The following DPYD variants were observed in gnomAD, a reference collection of about 807,000 sequenced individuals.
DPYD encodes dihydropyrimidine dehydrogenase, also known as dihydropyrimidine dehydrogenase [NADP(+)].
Under a neutral mutation model 116.2 loss-of-function variants are expected in DPYD, and 109 were observed. That is an observed-to-expected ratio of 0.94 (90% CI 0.80 to 1.10). The LOEUF (loss-of-function observed/expected upper bound fraction) is 1.10. DPYD is among the 50% of genes least tolerant of loss of function. The pLI is 0.00. For synonymous variants in DPYD, 440 were observed against 432.0 expected (o/e 1.02, Z -0.23); for missense variants, 1,302 against 1,254.5 (o/e 1.04, Z -0.57).
At chr1:97,165,515 A>T (rs1049603021) in intron 20 of DPYD, among the ~76,000 whole-genome samples, 1 of 152,220 alleles carries the variant, frequency 6.6e-6, no homozygotes, top group Admixed American at 6.5e-5. Flanking sequence ...GGAATGGGCA[A>T]AGATTTCATG....
intron 14 of DPYD, among the ~76,000 whole-genome samples, chr1:97,390,351 C>T (rs7527030): frequency 0.19 from 29,107 of 151,844 alleles, 2,951 homozygotes; most frequent in South Asian, 0.36. Context: ...ACTGGGATTA[C>T]ATTGATGAGG....
intron 3 of DPYD, among the ~76,000 whole-genome samples, chr1:97,825,754 T>C (rs1191650927): frequency 1.3e-5 from 2 of 151,594 alleles, no homozygotes; most frequent in Non-Finnish European, 2.9e-5. Flanking sequence ...ACATGTACCC[T>C]AGAACTTAAA....
At chr1:97,527,439 T>C (rs1185974493) in intron 12 of DPYD, among the ~76,000 whole-genome samples, 2 of 152,076 alleles carry the variant, frequency 1.3e-5, no homozygotes, top group African/African-American at 4.8e-5. Flanking sequence ...AACAAGAAAC[T>C]AACCTAAAAA....
At chr1:97,091,452 G>T (rs1649891701) in intron 21 of DPYD, among the ~76,000 whole-genome samples, 1 of 152,160 alleles carries the variant, frequency 6.6e-6, no homozygotes, top group East Asian at 1.9e-4. Context: ...TACATGGCGT[G>T]CCTGGGTGTG....
Position 97,323,901 on chromosome 1 carries a change from T to C in DPYD, c.2059-17604A>G, listed in dbSNP as rs942874896. On this transcript the variant is annotated intron_variant, in intron 16 of 22. Transcript: ENST00000370192. The stretch of plus-strand genomic sequence containing the variant: ...GGAACTATCCCCATTTCGCAAGTCT[T>C]TGAAAAGAGGGTCTTACTCTTTCTA... Among the ~76,000 whole-genome samples the C allele has an allele frequency of 5.9e-5, 9 of 151,810 alleles. No homozygotes were observed. In the Admixed American group the frequency reaches 5.9e-4, roughly 10 times the overall value.
At chr1:97,476,066 G>A (rs948160670) in intron 13 of DPYD, among the ~76,000 whole-genome samples, 2 of 152,172 alleles carry the variant, frequency 1.3e-5, no homozygotes, top group African/African-American at 4.8e-5. Context: ...AGAGCCGATG[G>A]TTTCCCTAAA....
chr1:97,613,899 G>A (rs1435900096), intron 8 of DPYD, among the ~76,000 whole-genome samples: 1 of 151,946 alleles, frequency 6.6e-6, no homozygotes. Context: ...TATTATAACA[G>A]TCTTTGAATT....
intron 14 of DPYD, among the ~76,000 whole-genome samples, chr1:97,398,446 C>A (rs1236958988): frequency 6.6e-6 from 1 of 152,044 alleles, no homozygotes; most frequent in Non-Finnish European, 1.5e-5. Context: ...ATTTATAGTC[C>A]TTTGGGTATA....
intron 14 of DPYD, among the ~76,000 whole-genome samples, chr1:97,389,287 C>T (rs981110121): frequency 2.9e-4 from 40 of 136,660 alleles, no homozygotes; most frequent in African/African-American, 8.9e-4. Flanking sequence ...ACAGCCTGGG[C>T]GACAGAATGA....
At chr1:97,430,369 G>C (rs1299130836) in intron 14 of DPYD, among the ~76,000 whole-genome samples, 1 of 152,124 alleles carries the variant, frequency 6.6e-6, no homozygotes, top group East Asian at 1.9e-4. Context: ...GCCTAACAAG[G>C]CCTACGGGAC....
At chr1:97,271,330 G>T (rs1664570748) in intron 18 of DPYD, among the ~76,000 whole-genome samples, 1 of 152,078 alleles carries the variant, frequency 6.6e-6, no homozygotes, top group Admixed American at 6.6e-5. Flanking sequence ...ACAGAAGGGA[G>T]AGAAATAAAA....
At chr1:97,436,574 G>A (rs952240111) in intron 14 of DPYD, among the ~76,000 whole-genome samples, 3 of 151,860 alleles carry the variant, frequency 2.0e-5, no homozygotes, top group African/African-American at 7.2e-5. Flanking sequence ...AAATGAAGGG[G>A]TATTTGAGAA....
At chr1:97,405,561 G>A (rs916925410) in intron 14 of DPYD, among the ~76,000 whole-genome samples, 9 of 151,814 alleles carry the variant, frequency 5.9e-5, no homozygotes, top group Admixed American at 1.3e-4. Context: ...TGTTACCTAG[G>A]CTGGAGTGCA....
At chr1:97,597,404 T>C (rs111850184) in intron 8 of DPYD, among the ~76,000 whole-genome samples, 7 of 152,252 alleles carry the variant, frequency 4.6e-5, no homozygotes, top group African/African-American at 1.4e-4. Context: ...GAAGCAGGGA[T>C]TTTGTCACTA....
intron 3 of DPYD, among the ~76,000 whole-genome samples, chr1:97,819,220 A>G (rs1441668871): frequency 6.6e-6 from 1 of 151,822 alleles, no homozygotes; most frequent in Non-Finnish European, 1.5e-5. Flanking sequence ...ACAAGAGAAT[A>G]CTCTTCTCTG....
chr1:97,452,250 T>C (rs574659250), intron 13 of DPYD, among the ~76,000 whole-genome samples: 57 of 152,236 alleles, frequency 3.7e-4, no homozygotes, highest in African/African-American at 1.3e-3. Flanking sequence ...CCTTCCTCAA[T>C]TGGCATTCTT....
intron 19 of DPYD, among the ~76,000 whole-genome samples, chr1:97,224,988 ACTAT>A (rs750581855): frequency 2.6e-3 from 389 of 147,598 alleles, no homozygotes; most frequent in African/African-American, 6.4e-3. Flanking sequence ...GATCTATCTA[ACTAT>A]CTGTCTGTCT....
Position 97,787,595 on chromosome 1 carries a change from T to C in DPYD, c.233+40519A>G, listed in dbSNP as rs545166539. Among the ~76,000 whole-genome samples the C allele has an allele frequency of 3.9e-5, 6 of 152,188 alleles. No homozygotes were observed. The South Asian group carries it at 1.2e-3, about 32-fold the overall frequency. ...CAAGTCTAAGGCACACCATTTAAAA[T>C]AATGATCCTTCTGCAATTTTTATGA... On this transcript the variant is annotated intron_variant, in intron 3 of 22. Transcript: ENST00000370192.
intron 3 of DPYD, among the ~76,000 whole-genome samples, chr1:97,767,185 A>C (rs907447475): frequency 2.0e-5 from 3 of 152,142 alleles, no homozygotes; most frequent in African/African-American, 7.2e-5. Flanking sequence ...CCTGGAATTA[A>C]CATGATGTTA....
Sources: allele counts gnomAD v4.1 joint callset (sites outside exome capture counted in the v4.1 genomes callset), GRCh38; gene constraint gnomAD v4.1.1; transcripts MANE v1.5; gene names NCBI Gene and HGNC (gene_info 2026-07-23, HGNC 2026-07-21).